The following FAM169A variants were observed in gnomAD, a reference collection of about 807,000 sequenced individuals.
FAM169A encodes soluble lamin-associated protein of 75 kDa.
Under a neutral mutation model 75.7 loss-of-function variants are expected in FAM169A, and 24 were observed. The observed-to-expected ratio is 0.32, with a 90% CI of 0.23 to 0.45. The LOEUF (loss-of-function observed/expected upper bound fraction) is 0.45. FAM169A is among the 20% of genes least tolerant of loss of function. The pLI, the probability that FAM169A is intolerant of heterozygous loss-of-function variation, is 1.00. For missense variants in FAM169A, 673 were observed against 784.0 expected, an observed-to-expected ratio of 0.86 and a Z score of 1.69; for synonymous variants, 271 against 271.0, an observed-to-expected ratio of 1.00 and a Z score of 0.00.
intron 1 of FAM169A, among the ~76,000 whole-genome samples, chr5:74,843,419 C>G (rs764925921): frequency 6.6e-6 from 1 of 151,892 alleles, no homozygotes; most frequent in Non-Finnish European, 1.5e-5. Context: ...AAGAATGCAC[C>G]CTGTCGGAGA....
chr5:74,851,493 T>A (rs1379526742), intron 1 of FAM169A, among the ~76,000 whole-genome samples: 1 of 152,222 alleles, frequency 6.6e-6, no homozygotes, highest in Non-Finnish European at 1.5e-5. Flanking sequence ...TAAATCATTA[T>A]CTTAATATCT....
At chr5:74,790,117 G>A (rs1337801253) in intron 11 of FAM169A, among the ~76,000 whole-genome samples, 1 of 152,198 alleles carries the variant, frequency 6.6e-6, no homozygotes, top group African/African-American at 2.4e-5. Context: ...AAACGCCCAT[G>A]GTCTCCACTG....
At chr5:74,855,169 A>G (rs1019942969) in intron 1 of FAM169A, among the ~76,000 whole-genome samples, 21 of 152,178 alleles carry the variant, frequency 1.4e-4, no homozygotes, top group African/African-American at 4.6e-4. Flanking sequence ...GGGTGAGATG[A>G]TATCTCACTG....
chr5:74,828,227 C>T (rs1453664020), intron 5 of FAM169A, among the ~76,000 whole-genome samples: 1 of 152,090 alleles, frequency 6.6e-6, no homozygotes, highest in Non-Finnish European at 1.5e-5. Context: ...AACTCAAATC[C>T]TCTTTCATTT....
At chr5:74,830,313 T>C (rs559295736) in intron 5 of FAM169A, among the ~76,000 whole-genome samples, 2 of 152,302 alleles carry the variant, frequency 1.3e-5, no homozygotes, top group African/African-American at 4.8e-5. Flanking sequence ...TCGAACATGA[T>C]GTGCTCAATA....
intron 1 of FAM169A, among the ~76,000 whole-genome samples, chr5:74,860,063 T>A (rs1272479734): frequency 5.9e-5 from 9 of 152,108 alleles, no homozygotes; most frequent in Non-Finnish European, 1.3e-4. Flanking sequence ...TGAGATAAAT[T>A]CTGTAATAAC....
intron 3 of FAM169A, 79 bp downstream of exon 3, chr5:74,839,995 C>A: frequency 4.3e-6 from 3 of 694,336 alleles, no homozygotes; most frequent in Non-Finnish European, 7.3e-6. Context: ...CAAATTCCTT[C>A]ATGTAGCTAC....
intron 10 of FAM169A, chr5:74,798,942 C>A: frequency 1.2e-6 from 1 of 834,268 alleles, no homozygotes. Flanking sequence ...GCTCCAAGAC[C>A]GTCCGGACTG....
At chr5:74,835,601 CAAAAA>C (rs35800429) in intron 4 of FAM169A, among the ~76,000 whole-genome samples, 1 of 59,150 alleles carries the variant, frequency 1.7e-5, no homozygotes, top group Non-Finnish European at 3.7e-5. Context: ...GACTGTGTCT[CAAAAA>C]AAAAAAAAAA....
intron 5 of FAM169A, among the ~76,000 whole-genome samples, chr5:74,825,237 G>A (rs902001058): frequency 2.0e-5 from 3 of 151,932 alleles, no homozygotes; most frequent in Non-Finnish European, 4.4e-5. Flanking sequence ...TTAAATCAAC[G>A]TCCCAGAGCT....
intron 6 of FAM169A, among the ~76,000 whole-genome samples, chr5:74,812,648 C>G (rs190731457): frequency 5.9e-5 from 9 of 151,820 alleles, no homozygotes; most frequent in Non-Finnish European, 8.8e-5. Flanking sequence ...ACAAATAACC[C>G]CCCCCCAAAA....
At chr5:74,862,458 A>G (rs1750087690) in intron 1 of FAM169A, among the ~76,000 whole-genome samples, 1 of 152,264 alleles carries the variant, frequency 6.6e-6, no homozygotes. Flanking sequence ...TCACTCATCC[A>G]TTGTTCAAGA....
intron 1 of FAM169A, among the ~76,000 whole-genome samples, chr5:74,844,614 T>C (rs1193683246): frequency 1.3e-5 from 2 of 152,068 alleles, no homozygotes; most frequent in Non-Finnish European, 2.9e-5. Flanking sequence ...GGTCAGGAGA[T>C]GGAGACCATC....
chr5:74,792,228 G>C (rs901955682), intron 11 of FAM169A, among the ~76,000 whole-genome samples: 8 of 152,180 alleles, frequency 5.3e-5, no homozygotes, highest in Admixed American at 2.6e-4. Flanking sequence ...GTGTCAACTT[G>C]ATTGGATTGA....
At chr5:74,851,557 C>T (rs1257353356) in intron 1 of FAM169A, among the ~76,000 whole-genome samples, 2 of 152,102 alleles carry the variant, frequency 1.3e-5, no homozygotes, top group Non-Finnish European at 2.9e-5. Context: ...GAAACATTTG[C>T]AAAAGCCTAA....
intron 5 of FAM169A, among the ~76,000 whole-genome samples, chr5:74,818,793 CTCTCTCTCTCTATA>C (rs1747612263): frequency 2.1e-5 from 3 of 139,572 alleles, no homozygotes; most frequent in East Asian, 2.0e-4. Context: ...CTCTCTCTCT[CTCTCTCTCTCTATA>C]TATATATATA....
chr5:74,844,699 C>A (rs1749059751), intron 1 of FAM169A, among the ~76,000 whole-genome samples: 2 of 152,048 alleles, frequency 1.3e-5, no homozygotes, highest in Admixed American at 1.3e-4. Context: ...TGCCTGTAGT[C>A]CCAGCTATTC....
intron 4 of FAM169A, among the ~76,000 whole-genome samples, chr5:74,838,192 C>G (rs1748671209): frequency 4.0e-5 from 6 of 150,992 alleles, no homozygotes; most frequent in Admixed American, 4.0e-4. Context: ...ACACTCTATA[C>G]TTAATTAATG....
intron 5 of FAM169A, among the ~76,000 whole-genome samples, chr5:74,833,454 A>G (rs1482678098): frequency 6.6e-6 from 1 of 152,150 alleles, no homozygotes; most frequent in Non-Finnish European, 1.5e-5. Flanking sequence ...ACCTAAAGAA[A>G]AACCATTTTA....
Sources: gnomAD v4.1 joint callset for allele counts (sites outside exome capture counted in the v4.1 genomes callset) on GRCh38, gnomAD v4.1.1 for gene constraint, MANE v1.5 for transcripts, NCBI Gene and HGNC (gene_info 2026-07-23, HGNC 2026-07-21) for gene names.